The following LRTM2 variants were observed in gnomAD, a reference collection of about 807,000 sequenced individuals.
LRTM2 encodes the protein leucine-rich repeat and transmembrane domain-containing protein 2.
LRTM2 carries 18 observed loss-of-function variants against 28.1 expected under a neutral mutation model. That is an observed-to-expected ratio of 0.64 (90% CI 0.44 to 0.95). The LOEUF is 0.95. Among genes scored for constraint, LRTM2 ranks in the 40% least tolerant of loss-of-function variants. The pLI is 0.00. For missense variants in LRTM2, 436 were observed against 497.2 expected (o/e 0.88, Z 1.17); for synonymous variants, 250 against 218.7 (o/e 1.14, Z -1.26).
At chr12:1,825,238 G>T (rs769553678) in intron 1 of LRTM2, among the ~76,000 whole-genome samples, 23 of 152,314 alleles carry the variant, frequency 1.5e-4, no homozygotes, top group Middle Eastern at 6.8e-3. Context: ...ACTGAGGGAT[G>T]GGAGAGGGTG....
At chr12:1,822,960 G>A (rs145899509) in intron 1 of LRTM2, among the ~76,000 whole-genome samples, 1 of 152,348 alleles carries the variant, frequency 6.6e-6, no homozygotes, top group East Asian at 1.9e-4. Flanking sequence ...GGCCCCTGCA[G>A]GCCCAGGGTG....
chr12:1,828,769 G>T lies in LRTM2; in HGVS notation c.67+554G>T, dbSNP rs1864482873. Among the ~76,000 whole-genome samples the T allele has an allele frequency of 1.3e-5, 2 of 152,206 alleles. No homozygotes were observed. The highest frequency in any genetic ancestry group is 2.1e-4 in the South Asian group (1 of 4,828). ...CGCTGGAAGAGACTTTGGGGAGTGG[G>T]TCCAACCCCTCCTGCATATAGGCAG... On this transcript the variant is annotated intron_variant, in intron 3 of 4. Transcript: ENST00000299194. The surrounding 1 kb of genome is among the most constrained non-coding windows in gnomAD (Gnocchi z 4.2).
intron 4 of LRTM2, among the ~76,000 whole-genome samples, chr12:1,832,527 G>A (rs1864680252): frequency 6.6e-6 from 1 of 152,204 alleles, no homozygotes; most frequent in Non-Finnish European, 1.5e-5. Context: ...CAACATTTAA[G>A]TGGTGAAAAT....
intron 4 of LRTM2, among the ~76,000 whole-genome samples, chr12:1,832,176 A>C (rs913182916): frequency 3.9e-5 from 6 of 152,136 alleles, no homozygotes; most frequent in Admixed American, 3.3e-4. Flanking sequence ...ATGGGAGAGG[A>C]GGGTGCGCAA....
rs1329421333 is a variant in LRTM2 at position 1,833,166 on chromosome 12, A to C, written c.659-1101A>C. On this transcript the variant is annotated intron_variant, in intron 4 of 4. Coordinates refer to ENST00000299194, the MANE Select transcript of LRTM2 (RefSeq NM_001039029.3). This position sits in a 1 kb window ranked among gnomAD's most constrained non-coding sequence, Gnocchi z 4.2. Reference sequence around the variant, plus strand: ...TTTCAACATTGCATTTCTTAAAAACAAAATCCTGGAATATTTCCATCGGCA... The same window carrying C: ...TTTCAACATTGCATTTCTTAAAAACCAAATCCTGGAATATTTCCATCGGCA... Among the ~76,000 whole-genome samples the C allele has an allele frequency of 6.6e-6, 1 of 152,244 alleles. No individual in the cohort carries two copies. The highest frequency in any genetic ancestry group is 1.5e-5 in the Non-Finnish European group (1 of 68,042).
chr12:1,827,017 AC>A (rs1018453537), intron 1 of LRTM2, among the ~76,000 whole-genome samples: 4 of 152,338 alleles, frequency 2.6e-5, no homozygotes, highest in Non-Finnish European at 4.4e-5. Flanking sequence ...TTACCCAGGG[AC>A]AAATCTGGCA....
At chr12:1,832,563 T>A (rs1363690352) in intron 4 of LRTM2, among the ~76,000 whole-genome samples, 1 of 152,256 alleles carries the variant, frequency 6.6e-6, no homozygotes, top group East Asian at 1.9e-4. Flanking sequence ...TGTTAAAGTC[T>A]TACTACTTTC....
At chr12:1,826,095 G>T (rs966404785) in intron 1 of LRTM2, among the ~76,000 whole-genome samples, 2 of 152,096 alleles carry the variant, frequency 1.3e-5, no homozygotes, top group African/African-American at 2.4e-5. Flanking sequence ...AGGGGAGGTT[G>T]GTGGGATCGG....
rs1864499115 is a variant in LRTM2 at position 1,829,055 on chromosome 12, G to A, written c.67+840G>A. ...CACCATGTGAGAGAGGCTGGCCCCT[G>A]AGTGACTCAGATCTCCTTTCAGCCT... is the stretch of plus-strand genomic sequence containing the variant. On this transcript the variant is annotated intron_variant, in intron 3 of 4. Coordinates refer to ENST00000299194, the MANE Select transcript of LRTM2 (RefSeq NM_001039029.3). This position sits in a 1 kb window ranked among gnomAD's most constrained non-coding sequence, Gnocchi z 4.2. Among the ~76,000 whole-genome samples, 1 of 152,228 alleles carries A rather than the reference G, an allele frequency of 6.6e-6. No individual in the cohort carries two copies. Among genetic ancestry groups the A allele is most frequent in the South Asian group, 2.1e-4 (1 of 4,830 alleles).
intron 1 of LRTM2, among the ~76,000 whole-genome samples, chr12:1,827,013 A>T (rs1234821823): frequency 6.6e-6 from 1 of 152,208 alleles, no homozygotes; most frequent in East Asian, 1.9e-4. Context: ...GGAATTACCC[A>T]GGGACAAATC....
At position 1,834,239 on chromosome 12, in the gene LRTM2, A is replaced by G. The variant is rs1864752499; in HGVS notation, c.659-28A>G. ...GAGTGCAAGTTCTAGATGCCTGGTC[A>G]GCCCCTCTTTTTCTCTTCTGCATGT... is the stretch of plus-strand genomic sequence containing the variant. On this transcript the variant is annotated intron_variant, in intron 4 of 4. Coordinates refer to ENST00000299194, the MANE Select transcript of LRTM2 (RefSeq NM_001039029.3). The surrounding 1 kb of genome is among the most constrained non-coding windows in gnomAD (Gnocchi z 7.6). 3.3e-6 allele frequency: 5 copies of G among 1,526,428 alleles called. No individual in the cohort carries two copies. The highest frequency in any genetic ancestry group is 1.4e-5 in the African/African-American group (1 of 72,400). 94.6% of individuals were successfully genotyped at this position (1,526,428 alleles called of 1,614,324 possible). A position where few individuals can be genotyped will look rare whatever the true frequency, so the allele number is the denominator to read the frequency against.
chr12:1,824,197 G>T (rs571272769), intron 1 of LRTM2, among the ~76,000 whole-genome samples: 3 of 152,166 alleles, frequency 2.0e-5, no homozygotes, highest in Non-Finnish European at 4.4e-5. Flanking sequence ...CTCGGTGGCC[G>T]TTTGCCCTGC....
intron 1 of LRTM2, among the ~76,000 whole-genome samples, chr12:1,826,263 C>G (rs573910860): frequency 1.3e-5 from 2 of 152,176 alleles, no homozygotes; most frequent in Non-Finnish European, 1.5e-5. Context: ...TGTCAACTCT[C>G]TTCCCTTCAC....
At chr12:1,822,660 G>A (rs1387431781) in intron 1 of LRTM2, among the ~76,000 whole-genome samples, 1 of 152,250 alleles carries the variant, frequency 6.6e-6, no homozygotes, top group Non-Finnish European at 1.5e-5. Context: ...TGGGGCATGT[G>A]TTTTAAAATG....
At chr12:1,824,442 T>G (rs1279818321) in intron 1 of LRTM2, among the ~76,000 whole-genome samples, 1 of 152,222 alleles carries the variant, frequency 6.6e-6, no homozygotes, top group African/African-American at 2.4e-5. Context: ...TTGACTGCTT[T>G]GAGCTCTTCA....
intron 1 of LRTM2, among the ~76,000 whole-genome samples, chr12:1,825,805 C>T (rs1227629357): frequency 6.6e-6 from 1 of 150,790 alleles, no homozygotes; most frequent in East Asian, 2.0e-4. Flanking sequence ...GAGTGATGAG[C>T]AGCCTGCAGC....
chr12:1,834,467 C>A lies in LRTM2; in HGVS notation c.859C>A (p.Pro287Thr), dbSNP rs756978584. ...AKPKPGAEPE[P>T]EPSTACPQKQ... Reference sequence around the variant, plus strand: ...GCCCAAGCCCGGGGCTGAGCCGGAGCCGGAGCCCAGCACAGCCTGCCCACA... The same window carrying A: ...GCCCAAGCCCGGGGCTGAGCCGGAGACGGAGCCCAGCACAGCCTGCCCACA... Residue 287 changes from proline (P) to threonine (T), a missense_variant, in exon 5 of 5, where the codon CCG becomes ACG. Transcript: ENST00000299194. This position sits in a 1 kb window ranked among gnomAD's most constrained non-coding sequence, Gnocchi z 7.6. 4 of 1,610,608 alleles carry A rather than the reference C, an allele frequency of 2.5e-6. No individual in the cohort carries two copies. Among genetic ancestry groups the A allele is most frequent in the Non-Finnish European group, 3.4e-6 (4 of 1,179,814 alleles).
intron 1 of LRTM2, among the ~76,000 whole-genome samples, chr12:1,824,994 A>G (rs927841720): frequency 6.6e-6 from 1 of 152,260 alleles, no homozygotes; most frequent in African/African-American, 2.4e-5. Context: ...CACAGGGCAT[A>G]TCCGCATGAA....
rs770648822 is a variant in LRTM2, at chr12:1,831,204, G to C, written c.337G>C (p.Gly113Arg). Residue 113 changes from glycine to arginine, a missense_variant, in exon 4 of 5, where the codon GGG becomes CGG. Physicochemically the swap from Gly to Arg is moderately radical, Grantham distance 125 (BLOSUM62 -2). Transcript: ENST00000299194. ...FLDRLPRSIF[G>R]DLTNLTELQL... ...GGACCGGCTGCCCCGCTCCATTTTCGGGGACCTGACGAATCTGACTGAGCT... is the reference window on the plus strand; with the variant it reads ...GGACCGGCTGCCCCGCTCCATTTTCCGGGACCTGACGAATCTGACTGAGCT... The C allele has an allele frequency of 5.6e-6, 9 of 1,613,694 alleles. No individual in the cohort carries two copies. The highest frequency in any genetic ancestry group is 4.5e-5 in the East Asian group (2 of 44,898).
Sources: allele counts gnomAD v4.1 joint callset (sites outside exome capture counted in the v4.1 genomes callset), GRCh38; gene constraint gnomAD v4.1.1; non-coding constraint Gnocchi (gnomAD v3.1); transcripts MANE v1.5; gene names NCBI Gene and HGNC (gene_info 2026-07-23, HGNC 2026-07-21).